KALRN: variants seen among roughly 807,000 people sequenced by gnomAD.
KALRN encodes the protein kalirin.
KALRN carries 70 observed loss-of-function variants against 353.7 expected under a neutral mutation model. The ratio of observed to expected loss-of-function variants is 0.20; its 90% CI spans 0.16 to 0.24. The LOEUF (loss-of-function observed/expected upper bound fraction) is 0.24. Ranked by LOEUF, KALRN falls within the 10% of genes least tolerant of loss-of-function variation. The pLI is 1.00. For missense variants in KALRN, 2,791 were observed against 3,756.7 expected (o/e 0.74, Z 6.72); for synonymous variants, 1,391 against 1,434.8 (o/e 0.97, Z 0.69).
At chr3:124,277,429 A>C (rs1312506034) in intron 5 of KALRN, among the ~76,000 whole-genome samples, 1 of 152,170 alleles carries the variant, frequency 6.6e-6, no homozygotes, top group Non-Finnish European at 1.5e-5. Flanking sequence ...CCCCTGACAC[A>C]GAACACAGTG....
chr3:124,043,785 G>GGCT (rs1478915435), intron 1 of KALRN, among the ~76,000 whole-genome samples: 1 of 152,150 alleles, frequency 6.6e-6, no homozygotes, highest in African/African-American at 2.4e-5. Context: ...AAGTGCTGGT[G>GGCT]GCTTTCTTTT....
intron 1 of KALRN, among the ~76,000 whole-genome samples, chr3:124,131,468 A>G (rs2065268275): frequency 6.6e-6 from 1 of 152,224 alleles, no homozygotes; most frequent in Non-Finnish European, 1.5e-5. Context: ...TTTGAAAAAC[A>G]TTAAAAGGGC....
chr3:124,302,939 A>G (rs2077383033), intron 6 of KALRN, among the ~76,000 whole-genome samples: 1 of 152,194 alleles, frequency 6.6e-6, no homozygotes, highest in Non-Finnish European at 1.5e-5. Flanking sequence ...TTTTAACTTA[A>G]TTACCTATTT....
chr3:124,661,972 A>G (rs1363820146), intron 45 of KALRN, 44 bp downstream of exon 45: 5 of 1,496,750 alleles, frequency 3.3e-6, no homozygotes, highest in Admixed American at 1.7e-5. Flanking sequence ...CTCCAGGACA[A>G]TAGGAGTCCA....
intron 34 of KALRN, among the ~76,000 whole-genome samples, chr3:124,578,917 C>T (rs561566349): frequency 5.3e-5 from 8 of 152,274 alleles, no homozygotes; most frequent in Admixed American, 3.3e-4. Context: ...ACCATGATCA[C>T]GGCTCACCAA....
chr3:124,481,058 A>G (rs1253908882), intron 27 of KALRN, among the ~76,000 whole-genome samples: 2 of 152,096 alleles, frequency 1.3e-5, no homozygotes, highest in African/African-American at 2.4e-5. Context: ...CTTCATATCT[A>G]TACACCTGGG....
rs759838166 is a variant in KALRN at position 124,491,358 on chromosome 3, C to A, written c.4623C>A (p.Gly1541=). The change falls in exon 31 of 60, where the codon GGC becomes GGA. Residue 1541 remains glycine, a synonymous_variant. Transcript: ENST00000682506. ...TGGGTGTGACCGAGCACGTGGAGGG[C>A]GATCCCTGCAAATTCGCCTTGTGGT... ...SELGVTEHVE[G]DPCKFALWSG... 6.8e-6 allele frequency: 11 copies of A among 1,608,884 alleles called. No individual in the cohort carries two copies. The highest frequency in any genetic ancestry group is 9.3e-6 in the Non-Finnish European group (11 of 1,177,384).
chr3:124,408,484 G>A (rs1400314922), intron 13 of KALRN, among the ~76,000 whole-genome samples: 1 of 152,184 alleles, frequency 6.6e-6, no homozygotes, highest in Non-Finnish European at 1.5e-5. Context: ...ACTTCTCTGT[G>A]CTTTCATTTC....
chr3:124,629,387 C>CAA (rs369383140), intron 34 of KALRN, among the ~76,000 whole-genome samples: 1 of 151,660 alleles, frequency 6.6e-6, no homozygotes, highest in African/African-American at 2.4e-5. Flanking sequence ...ACAACAACAA[C>CAA]AAAAAAAACT....
chr3:124,480,081 T>C (rs2061836356), intron 27 of KALRN, among the ~76,000 whole-genome samples: 1 of 152,186 alleles, frequency 6.6e-6, no homozygotes, highest in African/African-American at 2.4e-5. Context: ...TTGGTTTGAC[T>C]GATGTAGGCC....
chr3:124,066,745 T>G (rs1371620654), intron 1 of KALRN, among the ~76,000 whole-genome samples: 1 of 152,186 alleles, frequency 6.6e-6, no homozygotes, highest in Non-Finnish European at 1.5e-5. Flanking sequence ...ATGATCCATC[T>G]AGGTCAGCCT....
chr3:124,688,889 T>C (rs143461893), intron 51 of KALRN, among the ~76,000 whole-genome samples: 62 of 152,356 alleles, frequency 4.1e-4, no homozygotes, highest in South Asian at 2.9e-3. Context: ...TCTTTCCTCT[T>C]ACCTGACTGC....
chr3:124,622,234 A>G (rs1186188703), intron 34 of KALRN, among the ~76,000 whole-genome samples: 1 of 152,222 alleles, frequency 6.6e-6, no homozygotes, highest in Admixed American at 6.5e-5. Context: ...TTGTTAGTGG[A>G]TATTAGAAAT....
chr3:124,305,174 A>C (rs2149260861), intron 6 of KALRN, among the ~76,000 whole-genome samples: 1 of 152,234 alleles, frequency 6.6e-6, no homozygotes, highest in East Asian at 1.9e-4. Context: ...TAAAAAAAGA[A>C]CTCTAAATCT....
chr3:124,323,962 G>T (rs921208015), intron 6 of KALRN, among the ~76,000 whole-genome samples: 10 of 152,082 alleles, frequency 6.6e-5, no homozygotes, highest in Admixed American at 5.2e-4. Flanking sequence ...TCAGAAGTGT[G>T]CTTGGTCTGT....
chr3:124,092,876 G>A (rs945120047), intron 1 of KALRN, among the ~76,000 whole-genome samples: 17 of 152,208 alleles, frequency 1.1e-4, no homozygotes, highest in African/African-American at 4.1e-4. Flanking sequence ...ACATGTGAGC[G>A]ATGGATTCTT....
At chr3:124,470,544 A>T (rs1184103104) in intron 25 of KALRN, among the ~76,000 whole-genome samples, 2 of 152,156 alleles carry the variant, frequency 1.3e-5, no homozygotes, top group Non-Finnish European at 2.9e-5. Flanking sequence ...TAAAAAAAAA[A>T]ATGTTCTTAG....
chr3:124,413,367 C>T (rs1301505462), intron 13 of KALRN, 103 bp from the exon 14 acceptor site: 2 of 918,052 alleles, frequency 2.2e-6, no homozygotes, highest in South Asian at 1.7e-5. Context: ...AGAGACTTAA[C>T]TGAGGGGTGG....
intron 1 of KALRN, among the ~76,000 whole-genome samples, chr3:124,143,878 T>A (rs1920613): frequency 0.38 from 57,077 of 151,968 alleles, 11,096 homozygotes; most frequent in African/African-American, 0.48. Context: ...AAATAAATTT[T>A]AAAAAAGCCA....
Sources: gnomAD v4.1 joint callset for allele counts (sites outside exome capture counted in the v4.1 genomes callset) on GRCh38, gnomAD v4.1.1 for gene constraint, MANE v1.5 for transcripts, NCBI Gene and HGNC (gene_info 2026-07-23, HGNC 2026-07-21) for gene names.